VPS13C: variants seen among roughly 807,000 people sequenced by gnomAD.
The protein encoded by VPS13C is vacuolar protein sorting 13 homolog C.
In VPS13C, 358 loss-of-function variants were observed where a neutral mutation model predicts 456.8. The observed-to-expected ratio is 0.78, with a 90% CI of 0.72 to 0.86. The LOEUF is 0.86. Among genes scored for constraint, VPS13C ranks in the 40% least tolerant of loss-of-function variants. VPS13C has a pLI of 0.00. For synonymous variants in VPS13C, 1,578 were observed against 1,486.7 expected (o/e 1.06, Z -1.41); for missense variants, 4,818 against 4,385.4 (o/e 1.10, Z -2.79).
chr15:61,927,578 A>G (rs917159529), intron 51 of VPS13C, among the ~76,000 whole-genome samples: 2 of 152,200 alleles, frequency 1.3e-5, no homozygotes, highest in Admixed American at 6.5e-5. Context: ...CCTGTTTTAC[A>G]CTTTTACACT....
Position 61,875,732 on chromosome 15 carries a change from C to T in VPS13C, c.10338G>A (p.Gln3446=), listed in dbSNP as rs1895371279. The T allele has an allele frequency of 1.2e-6, 2 of 1,606,922 alleles. No homozygotes were observed. The highest frequency in any genetic ancestry group is 1.7e-6 in the Non-Finnish European group (2 of 1,176,302). Residue 3446 remains glutamine, a splice_region_variant and synonymous_variant, in exon 76 of 85, where the codon CAG becomes CAA. Transcript: ENST00000644861. ...GVEALFYEPF[Q]GAVQGPEEFA... ...CTTAGAACAAATAAGAGGTCAATAC[C>T]TGGAAGGGTTCATAGAATAAAGCTT...
chr15:61,963,678 T>C (rs2045287691), intron 32 of VPS13C, among the ~76,000 whole-genome samples, 157 bp downstream of exon 32: 1 of 152,078 alleles, frequency 6.6e-6, no homozygotes, highest in Admixed American at 6.6e-5. Context: ...CTGACCAATA[T>C]CTATATCCCA....
intron 74 of VPS13C, among the ~76,000 whole-genome samples, chr15:61,877,728 CCT>C (rs902675671): frequency 4.0e-5 from 6 of 151,784 alleles, no homozygotes; most frequent in Non-Finnish European, 8.8e-5. Flanking sequence ...TAGAACCACC[CCT>C]GACTAGTATT....
At chr15:62,050,805 CAAA>C (rs34228451) in intron 1 of VPS13C, among the ~76,000 whole-genome samples, 92 of 55,892 alleles carry the variant, frequency 1.6e-3, no homozygotes, top group African/African-American at 5.5e-3. Flanking sequence ...GACCCAGTCT[CAAA>C]AAAAAAAAAA....
intron 15 of VPS13C, among the ~76,000 whole-genome samples, chr15:62,002,964 G>T (rs1405020337): frequency 6.6e-6 from 1 of 152,144 alleles, no homozygotes; most frequent in African/African-American, 2.4e-5. Context: ...GATGCCTCCA[G>T]CTTTGTTCTT....
At chr15:61,925,751 T>C (rs1445679040) in intron 52 of VPS13C, among the ~76,000 whole-genome samples, 1 of 152,230 alleles carries the variant, frequency 6.6e-6, no homozygotes, top group Non-Finnish European at 1.5e-5. Context: ...CACTGGAAAA[T>C]CACTTTAAGC....
intron 15 of VPS13C, among the ~76,000 whole-genome samples, chr15:62,001,975 A>G (rs1036174843): frequency 7.2e-5 from 11 of 152,312 alleles, no homozygotes; most frequent in African/African-American, 2.6e-4. Flanking sequence ...GCCGCAATAA[A>G]CATATGTGTG....
rs1341919900 is a variant in VPS13C, at chr15:61,949,595, G to A, written c.4607C>T (p.Ala1536Val). 6.3e-7 allele frequency: 1 copy of A among 1,594,342 alleles called. No individual in the cohort carries two copies. The highest frequency in any genetic ancestry group is 8.5e-7 in the Non-Finnish European group (1 of 1,175,344). Reference protein sequence around the residue: ...STKQRLKVSFASLDLVLHLEA... With the variant: ...STKQRLKVSFVSLDLVLHLEA... The stretch of plus-strand genomic sequence containing the variant: ...CAAATGAAGTACTAAGTCTAAGGAT[G>A]CAAATGAAACCTAAGATAATGAACA... The change falls in exon 42 of 85, where the codon GCA (alanine) becomes GTA (valine). Residue 1536 changes from alanine to valine, a missense_variant. Coordinates refer to ENST00000644861, the MANE Select transcript of VPS13C (RefSeq NM_020821.3).
At chr15:61,923,581 T>TGGC (rs2043733435) in intron 53 of VPS13C, among the ~76,000 whole-genome samples, 1 of 152,076 alleles carries the variant, frequency 6.6e-6, no homozygotes, top group African/African-American at 2.4e-5. Context: ...TGTGGCCTAG[T>TGGC]GCCTATTCAA....
Position 61,913,389 on chromosome 15 carries a change from G to T in VPS13C, c.8472C>A (p.Ala2824=). ...TATCCAATGAGAAACTACTGGACCA[G>T]GCACTGGTTGAAATTTTTAATTGTA... ...NKVQLKISTS[A]WSSSFSLDTV... Residue 2824 remains alanine (A), a synonymous_variant, in exon 62 of 85, where the codon GCC becomes GCA. Coordinates refer to ENST00000644861, the MANE Select transcript of VPS13C (RefSeq NM_020821.3). 6.2e-7 allele frequency: 1 copy of T among 1,614,024 alleles called. No individual in the cohort carries two copies. The highest frequency in any genetic ancestry group is 8.5e-7 in the Non-Finnish European group (1 of 1,179,946).
rs769215114 is a variant in VPS13C, at chr15:61,951,917, G to C, written c.4363C>G (p.Leu1455Val). ...ACTTTAGCTTCCATTCCAAGTTGCA[G>C]GACATTTAGCTCATGTAAAGGCCTT... is the stretch of plus-strand genomic sequence containing the variant. ...KGRPLHELNV[L>V]QLGMEAKVKT... The change falls in exon 39 of 85, where the codon CTG becomes GTG. Residue 1455 changes from leucine (L) to valine (V), a missense_variant. Transcript: ENST00000644861. 3 of 1,613,652 alleles carry C rather than the reference G, an allele frequency of 1.9e-6. No homozygotes were observed. The highest frequency in any genetic ancestry group is 1.1e-5 in the South Asian group (1 of 91,018).
At position 62,053,361 on chromosome 15, in the gene VPS13C, G is replaced by A. The variant is rs536048596; in HGVS notation, c.100+6914C>T. Among the ~76,000 whole-genome samples, 10 of 152,246 alleles carry A rather than the reference G, an allele frequency of 6.6e-5. No individual in the cohort carries two copies. In the South Asian group the frequency reaches 2.1e-3, roughly 32 times the overall value. On this transcript the variant is annotated intron_variant, in intron 1 of 84. Transcript: ENST00000644861. ...AAGCTGCCCTACAGGTACCTGTTAA[G>A]ACAATATATTACAGTATATTACACT...
chr15:61,865,580 G>T, intron 81 of VPS13C: 1 of 695,144 alleles, frequency 1.4e-6, no homozygotes, highest in African/African-American at 2.0e-5. Context: ...GTATATATGT[G>T]TGTATATGTG....
At chr15:62,012,671 A>G (rs2047087901) in intron 11 of VPS13C, among the ~76,000 whole-genome samples, 1 of 151,950 alleles carries the variant, frequency 6.6e-6, no homozygotes, top group Non-Finnish European at 1.5e-5. Flanking sequence ...AACATGTGTC[A>G]AAGATACATG....
chr15:61,995,575 C>G (rs934374313), intron 16 of VPS13C, among the ~76,000 whole-genome samples: 1 of 152,126 alleles, frequency 6.6e-6, no homozygotes, highest in African/African-American at 2.4e-5. Context: ...AAGAAGAAAG[C>G]TGCCATGTTA....
chr15:61,877,628 C>A (rs1383631682), intron 74 of VPS13C, among the ~76,000 whole-genome samples: 1 of 151,610 alleles, frequency 6.6e-6, no homozygotes, highest in Non-Finnish European at 1.5e-5. Flanking sequence ...AAAAAGAGAA[C>A]TACTGAGTGA....
chr15:61,909,167 A>G, intron 64 of VPS13C, 42 bp from the exon 65 acceptor site: 1 of 1,603,984 alleles, frequency 6.2e-7, no homozygotes, highest in African/African-American at 1.3e-5. Flanking sequence ...GTACTGGTTT[A>G]ATCTACACTT....
Position 61,907,303 on chromosome 15 carries a change from C to T in VPS13C, c.9066G>A (p.Trp3022Ter). The change falls in exon 66 of 85, where the codon TGG (tryptophan) becomes TGA (stop). Residue 3022 changes from tryptophan (W) to a stop codon, truncating the protein, a stop_gained. Transcript: ENST00000644861. LOFTEE classifies it high-confidence loss of function. The stretch of plus-strand genomic sequence containing the variant: ...GTTCCCCAACATTTGCTGCATATGT[C>T]CATGTAAGTTTTCTGGTACCAGTAG... ...ADPTGTRKLTWTYAANVGEHD... is the reference protein window; with the variant it reads ...ADPTGTRKLT The T allele has an allele frequency of 1.2e-6, 2 of 1,613,966 alleles. No homozygotes were observed. The highest frequency in any genetic ancestry group is 2.2e-5 in the South Asian group (2 of 91,086).
intron 55 of VPS13C, 92 bp from the exon 56 acceptor site, chr15:61,920,739 T>C: frequency 8.8e-7 from 1 of 1,142,006 alleles, no homozygotes; most frequent in Admixed American, 3.2e-5. Context: ...AACTGATCAC[T>C]TTATAGTAAT....
Sources: gnomAD v4.1 joint callset for allele counts (sites outside exome capture counted in the v4.1 genomes callset) on GRCh38, gnomAD v4.1.1 for gene constraint, MANE v1.5 for transcripts, NCBI Gene and HGNC (gene_info 2026-07-23, HGNC 2026-07-21) for gene names.